Variants in STOML2 observed in about 807,000 individuals in gnomAD.
The protein encoded by STOML2 is stomatin like 2, also known as stomatin-like protein 2, mitochondrial.
In STOML2, 22 loss-of-function variants were observed where a neutral mutation model predicts 45.7. The observed-to-expected ratio is 0.48, with a 90% CI of 0.34 to 0.69. STOML2 has a LOEUF of 0.69. Ranked by LOEUF, STOML2 falls within the 30% of genes least tolerant of loss-of-function variation. The probability of loss-of-function intolerance (pLI) is 0.01; values close to 1 mark genes in which losing one functional copy is unlikely to be tolerated. For synonymous variants in STOML2, 181 were observed against 182.7 expected, an observed-to-expected ratio of 0.99 and a Z score of 0.08; for missense variants, 359 against 466.9, an observed-to-expected ratio of 0.77 and a Z score of 2.13.
Position 35,101,665 on chromosome 9 carries a change from C to A in STOML2, c.444+45G>T. The A allele has an allele frequency of 6.2e-7, 1 of 1,613,766 alleles. No homozygotes were observed. The highest frequency in any genetic ancestry group is 1.1e-5 in the South Asian group (1 of 91,030). On this transcript the variant is annotated intron_variant, in intron 5 of 9. Transcript: ENST00000356493. This position sits in a 1 kb window ranked among gnomAD's most constrained non-coding sequence, Gnocchi z 4.3. ...GACCTTCAGAAAAGATTAAGAGTGTCAGGTTTGTGTCTTCAAACCCTAACT... is the reference window on the plus strand; with the variant it reads ...GACCTTCAGAAAAGATTAAGAGTGTAAGGTTTGTGTCTTCAAACCCTAACT...
upstream of STOML2, chr9:35,103,145 G>A (rs1411343198): frequency 1.9e-6 from 3 of 1,603,826 alleles, no homozygotes; most frequent in Admixed American, 1.7e-5. Flanking sequence ...CGGAGCGGTC[G>A]CTCCCAGAAG....
rs965374767 is a variant in STOML2 at position 35,101,662 on chromosome 9, T to G, written c.444+48A>C. 1 of 1,613,538 alleles carries G rather than the reference T, an allele frequency of 6.2e-7. No individual in the cohort carries two copies. Among genetic ancestry groups the G allele is most frequent in the Non-Finnish European group, 8.5e-7 (1 of 1,179,700 alleles). The stretch of plus-strand genomic sequence containing the variant: ...CTTGACCTTCAGAAAAGATTAAGAG[T>G]GTCAGGTTTGTGTCTTCAAACCCTA... On this transcript the variant is annotated intron_variant, in intron 5 of 9. Coordinates refer to ENST00000356493, the MANE Select transcript of STOML2 (RefSeq NM_013442.3). The surrounding 1 kb of genome is among the most constrained non-coding windows in gnomAD (Gnocchi z 4.3).
chr9:35,102,156 T>C lies in STOML2; in HGVS notation c.222A>G (p.Arg74=). 1.9e-6 allele frequency: 3 copies of C among 1,613,330 alleles called. No individual in the cohort carries two copies. The highest frequency in any genetic ancestry group is 1.1e-5 in the South Asian group (1 of 91,044). The change falls in exon 3 of 10, where the codon CGA becomes CGG. Residue 74 remains arginine (R), a synonymous_variant. Coordinates refer to ENST00000356493, the MANE Select transcript of STOML2 (RefSeq NM_013442.3). The surrounding 1 kb of genome is among the most constrained non-coding windows in gnomAD (Gnocchi z 4.8). ...NILIPVLDRI[R]YVQSLKEIVI... ...CAATTTCCTTGAGACTCTGCACATA[T>C]CGGATCCGGTCTAACACAGGGATGA...
Position 35,101,153 on chromosome 9 carries a change from G to T in STOML2, c.706C>A (p.Gln236Lys), listed in dbSNP as rs1306717766. The change falls in exon 7 of 10, where the codon CAG becomes AAG. Residue 236 changes from glutamine to lysine, a missense_variant. Gln to Lys is a moderately conservative substitution (Grantham distance 53). Coordinates refer to ENST00000356493, the MANE Select transcript of STOML2 (RefSeq NM_013442.3). This position sits in a 1 kb window ranked among gnomAD's most constrained non-coding sequence, Gnocchi z 4.3. ...TCCTGACCTGCTGCCTGATTTATCT[G>T]TTCAGCCTTTTCTGCTTCGGAGGCC... The part of the protein sequence containing the change: ...ILASEAEKAE[Q>K]INQAAGEASA... 1 of 1,614,202 alleles carries T rather than the reference G, an allele frequency of 6.2e-7. No homozygotes were observed. Among genetic ancestry groups the T allele is most frequent in the Admixed American group, 1.7e-5 (1 of 60,028 alleles).
Position 35,101,082 on chromosome 9 carries a change from A to C in STOML2, c.724+53T>G, listed in dbSNP as rs1411452899. ...ACCCCAAAGATCCTGCCCCAGCACC[A>C]ATCTTCAAAGGCCCATGCCTTGCTC... is the stretch of plus-strand genomic sequence containing the variant. On this transcript the variant is annotated intron_variant, in intron 7 of 9. Transcript: ENST00000356493. The surrounding 1 kb of genome is among the most constrained non-coding windows in gnomAD (Gnocchi z 4.3). 11 of 1,612,834 alleles carry C rather than the reference A, an allele frequency of 6.8e-6. No homozygotes were observed. The highest frequency in any genetic ancestry group is 4.0e-5 in the African/African-American group (3 of 74,878).
In STOML2 at chr9:35,102,752, C is replaced by CAGT; in HGVS notation, c.114_116dup (p.Leu39dup). 6.2e-7 allele frequency: 1 copy of CAGT among 1,614,086 alleles called. No homozygotes were observed. The stretch of plus-strand genomic sequence containing the variant: ...CCCAGGCCTCCTGCTGCGGCACGAA[C>CAGT]AGTACCACGGTGTTTCGGGGCAATC... On this transcript the variant is annotated inframe_insertion, in exon 2 of 10. Transcript: ENST00000356493. The surrounding 1 kb of genome is among the most constrained non-coding windows in gnomAD (Gnocchi z 4.8).
Position 35,101,359 on chromosome 9 carries a change from G to A in STOML2, c.579+67C>T. 12 of 1,609,008 alleles carry A rather than the reference G, an allele frequency of 7.5e-6. No individual in the cohort carries two copies. The highest frequency in any genetic ancestry group is 1.7e-4 in the Middle Eastern group (1 of 6,058). The stretch of plus-strand genomic sequence containing the variant: ...GCAACTCTACCCATCATAACAGGAG[G>A]GAAGTCTGGATCCTCCTGGTACTGG... On this transcript the variant is annotated intron_variant, in intron 6 of 9. Coordinates refer to ENST00000356493, the MANE Select transcript of STOML2 (RefSeq NM_013442.3). The surrounding 1 kb of genome is among the most constrained non-coding windows in gnomAD (Gnocchi z 4.3).
chr9:35,102,250 A>C lies in STOML2; in HGVS notation c.184-56T>G. 2.0e-6 allele frequency: 3 copies of C among 1,483,154 alleles called. No homozygotes were observed. Among genetic ancestry groups the C allele is most frequent in the Non-Finnish European group, 2.8e-6 (3 of 1,067,346 alleles). 91.9% of individuals were successfully genotyped at this position (1,483,154 alleles called of 1,614,324 possible). On this transcript the variant is annotated intron_variant, in intron 2 of 9. Transcript: ENST00000356493. The surrounding 1 kb of genome is among the most constrained non-coding windows in gnomAD (Gnocchi z 4.8). ...GCTGGGAACTATTGGGTTGGGACCT[A>C]AGCTAGTCCTGGAGTATGTAGGGAG...
In STOML2 at chr9:35,099,959, T is replaced by G; in HGVS notation, c.*76A>C. On this transcript the variant is annotated 3_prime_UTR_variant, in exon 10 of 10. Transcript: ENST00000356493. ...AAATAAAAAAATAAAAACCAAAATC[T>G]TGGCAGGGAAGCTAGAGCCAGAATC... 1 of 1,550,928 alleles carries G rather than the reference T, an allele frequency of 6.4e-7. No homozygotes were observed.
Position 35,102,814 on chromosome 9 carries a change from G to A in STOML2, c.55C>T (p.Leu19=). 4 of 1,614,084 alleles carry A rather than the reference G, an allele frequency of 2.5e-6. No homozygotes were observed. Among genetic ancestry groups the A allele is most frequent in the Non-Finnish European group, 2.5e-6 (3 of 1,179,976 alleles). ...CGGCGCGGAGCGCGGCCAGAAGCCA[G>A]TAGAGAGCCCTGAAGGAAAGAAGAG... ...TGALLLRGSL[L]ASGRAPRRAS... is the part of the protein sequence containing the mutation. Residue 19 remains leucine, a synonymous_variant, in exon 2 of 10, where the codon CTG becomes TTG. Coordinates refer to ENST00000356493, the MANE Select transcript of STOML2 (RefSeq NM_013442.3). This position sits in a 1 kb window ranked among gnomAD's most constrained non-coding sequence, Gnocchi z 4.8.
In STOML2 at chr9:35,102,936, G is replaced by A. The variant is rs1829856010; in HGVS notation, c.46-113C>T. The A allele has an allele frequency of 5.7e-6, 9 of 1,578,606 alleles. No individual in the cohort carries two copies. The highest frequency in any genetic ancestry group is 1.7e-4 in the Middle Eastern group (1 of 5,916). On this transcript the variant is annotated intron_variant, in intron 1 of 9. Coordinates refer to ENST00000356493, the MANE Select transcript of STOML2 (RefSeq NM_013442.3). This position sits in a 1 kb window ranked among gnomAD's most constrained non-coding sequence, Gnocchi z 4.8. Reference sequence around the variant, plus strand: ...CTCAGGATCCTCGGAGAATCACATGGGGACCATGACCTCTGACCCCAGTCC... The same window carrying A: ...CTCAGGATCCTCGGAGAATCACATGAGGACCATGACCTCTGACCCCAGTCC...
At position 35,101,451 on chromosome 9, in the gene STOML2, CG is replaced by C; in HGVS notation, c.553del (p.Arg185GlyfsTer2). 2 of 1,614,166 alleles carry C rather than the reference CG, an allele frequency of 1.2e-6. No homozygotes were observed. The highest frequency in any genetic ancestry group is 1.7e-6 in the Non-Finnish European group (2 of 1,180,048). On this transcript the variant is annotated frameshift_variant, in exon 6 of 10. Transcript: ENST00000356493. LOFTEE classifies it high-confidence loss of function. The surrounding 1 kb of genome is among the most constrained non-coding windows in gnomAD (Gnocchi z 4.3). ...CTGCATCTGCATAGACTCTTTCACC[CG>C]GGGTGGCACATGGATATCCTTGATC... ...YEIKDIHVPP[R>X]VKESMQMQVE...
At chr9:35,100,255 T>C (rs1211180263) in intron 9 of STOML2, 83 bp from the exon 10 acceptor site, 2 of 1,552,706 alleles carry the variant, frequency 1.3e-6, no homozygotes, top group Admixed American at 3.6e-5. Context: ...CGGGAAAAGA[T>C]GGCATGGGGG....
At position 35,101,497 on chromosome 9, in the gene STOML2, T is replaced by C; in HGVS notation, c.508A>G (p.Ile170Val). The change falls in exon 6 of 10, where the codon ATC becomes GTC. Residue 170 changes from isoleucine (I) to valine (V), a missense_variant. Transcript: ENST00000356493. This position sits in a 1 kb window ranked among gnomAD's most constrained non-coding sequence, Gnocchi z 4.3. ...TTGATCTCATAACGGAGGCAGCGGA[T>C]ACCCCAGCAGTCAGCAGCTTGGTTG... ...AINQAADCWG[I>V]RCLRYEIKDI... The C allele has an allele frequency of 6.2e-7, 1 of 1,614,138 alleles. No homozygotes were observed. The highest frequency in any genetic ancestry group is 8.5e-7 in the Non-Finnish European group (1 of 1,180,032).
rs1829779360 is a variant in STOML2, at chr9:35,099,882, A to G, written c.*153T>C. 1.2e-6 allele frequency: 1 copy of G among 858,982 alleles called. No individual in the cohort carries two copies. Among genetic ancestry groups the G allele is most frequent in the Non-Finnish European group, 1.8e-6 (1 of 562,870 alleles). The allele number at this position is 858,982 out of a possible 1,614,324, so 53.2% of individuals were successfully genotyped here. ...TTTCCCAACTTCATTCCCCAATCAA[A>G]GAGGACAGTTTCTGGTTTGCCACTG... On this transcript the variant is annotated 3_prime_UTR_variant, in exon 10 of 10. Transcript: ENST00000356493.
chr9:35,102,609 G>T lies in STOML2; in HGVS notation c.183+77C>A, dbSNP rs1829844957. Reference sequence around the variant, plus strand: ...AGCTAACAGTGCGGGCAGGCCCAAAGGAAGTCCTCCCGACATTGCATGTCG... The same window carrying T: ...AGCTAACAGTGCGGGCAGGCCCAAATGAAGTCCTCCCGACATTGCATGTCG... On this transcript the variant is annotated intron_variant, in intron 2 of 9. Transcript: ENST00000356493. The surrounding 1 kb of genome is among the most constrained non-coding windows in gnomAD (Gnocchi z 4.8). 2 of 1,577,514 alleles carry T rather than the reference G, an allele frequency of 1.3e-6. No individual in the cohort carries two copies. Among genetic ancestry groups the T allele is most frequent in the African/African-American group, 1.4e-5 (1 of 73,652 alleles).
At position 35,099,870 on chromosome 9, in the gene STOML2, T is replaced by C; in HGVS notation, c.*165A>G. The C allele has an allele frequency of 2.6e-6, 2 of 761,118 alleles. No homozygotes were observed. Among genetic ancestry groups the C allele is most frequent in the Non-Finnish European group, 4.2e-6 (2 of 479,826 alleles). The allele number at this position is 761,118 out of a possible 1,614,324, so 47.1% of individuals were successfully genotyped here. The stretch of plus-strand genomic sequence containing the variant: ...AATGCTAGTGACTTTCCCAACTTCA[T>C]TCCCCAATCAAAGAGGACAGTTTCT... On this transcript the variant is annotated 3_prime_UTR_variant, in exon 10 of 10. Transcript: ENST00000356493.
At position 35,101,766 on chromosome 9, in the gene STOML2, C is replaced by T; in HGVS notation, c.388G>A (p.Ala130Thr). 5.0e-6 allele frequency: 8 copies of T among 1,614,162 alleles called. No homozygotes were observed. The highest frequency in any genetic ancestry group is 6.8e-6 in the Non-Finnish European group (8 of 1,180,034). ...AGCTCTGATCTCATGGTTGTTTGAG[C>T]TAGCTGGGTGACGGCATACTCAGGG... ...EDPEYAVTQLAQTTMRSELGK... is the reference protein window; with the variant it reads ...EDPEYAVTQLTQTTMRSELGK... Residue 130 changes from alanine to threonine, a missense_variant, in exon 5 of 10, where the codon GCT becomes ACT. Coordinates refer to ENST00000356493, the MANE Select transcript of STOML2 (RefSeq NM_013442.3). This position sits in a 1 kb window ranked among gnomAD's most constrained non-coding sequence, Gnocchi z 4.3.
chr9:35,100,768 GAGA>G lies in STOML2; in HGVS notation c.805-45_805-43del, dbSNP rs779865116. ...ATAAAAATCAGAGATCACCGATACG[GAGA>G]AGAAGGGGGGGATGGGGAATGAAGA... On this transcript the variant is annotated intron_variant, in intron 8 of 9. Transcript: ENST00000356493. 22 of 1,613,770 alleles carry G rather than the reference GAGA, an allele frequency of 1.4e-5. No individual in the cohort carries two copies. In the Middle Eastern group the frequency reaches 8.2e-4, roughly 60 times the overall value.
Sources: allele counts gnomAD v4.1 joint callset, GRCh38; gene constraint gnomAD v4.1.1; non-coding constraint Gnocchi (gnomAD v3.1); transcripts MANE v1.5; gene names NCBI Gene and HGNC (gene_info 2026-07-23, HGNC 2026-07-21).